The following SORBS2 variants were observed in gnomAD, a reference collection of about 807,000 sequenced individuals.
SORBS2 encodes sorbin and SH3 domain containing 2, also known as sorbin and SH3 domain-containing protein 2.
Under a neutral mutation model 97.7 loss-of-function variants are expected in SORBS2, and 46 were observed. The observed-to-expected ratio is 0.47, with a 90% CI of 0.37 to 0.60. The LOEUF is 0.60. Ranked by LOEUF, SORBS2 falls within the 20% of genes least tolerant of loss-of-function variation. SORBS2 has a pLI of 0.00. For synonymous variants in SORBS2, 476 were observed against 473.4 expected, an observed-to-expected ratio of 1.01 and a Z score of -0.07; for missense variants, 1,316 against 1,282.3, an observed-to-expected ratio of 1.03 and a Z score of -0.40.
intron 7 of SORBS2, 101 bp downstream of exon 19, chr4:185,622,813 G>T: frequency 8.2e-7 from 1 of 1,214,784 alleles, no homozygotes; most frequent in Non-Finnish European, 1.1e-6. Context: ...GACGCCAAAT[G>T]GTCTCCCAGC....
At chr4:185,628,436 G>A (rs1383286152) in intron 5 of SORBS2, among the ~76,000 whole-genome samples, 1 of 152,032 alleles carries the variant, frequency 6.6e-6, no homozygotes, top group East Asian at 1.9e-4. Flanking sequence ...TGTTATATTG[G>A]AATTCCAACA....
At chr4:185,807,686 T>C (rs2099162740) in intron 1 of SORBS2, among the ~76,000 whole-genome samples, 1 of 152,264 alleles carries the variant, frequency 6.6e-6, no homozygotes, top group Non-Finnish European at 1.5e-5. Context: ...TGTTTCCTTT[T>C]AACTGCATGT....
At position 185,607,926 on chromosome 4, in the gene SORBS2, C is replaced by T. The variant is rs897800333; in HGVS notation, c.2796+3854G>A. On this transcript the variant is annotated intron_variant, in intron 12 of 14. Coordinates refer to ENST00000418609, the Ensembl canonical transcript of SORBS2. This position sits in a 1 kb window ranked among gnomAD's most constrained non-coding sequence, Gnocchi z 5.2. Reference sequence around the variant, plus strand: ...CAGGCTGGTCTTGAACTCCTGACCTCGTGACCCACCCACCTCAGCCTCCCA... The same window carrying T: ...CAGGCTGGTCTTGAACTCCTGACCTTGTGACCCACCCACCTCAGCCTCCCA... Among the ~76,000 whole-genome samples, 1 of 152,054 alleles carries T rather than the reference C, an allele frequency of 6.6e-6. No individual in the cohort carries two copies. The highest frequency in any genetic ancestry group is 1.5e-5 in the Non-Finnish European group (1 of 68,010).
At chr4:185,675,563 A>G (rs960443667) in intron 4 of SORBS2, 4 of 152,144 alleles carry the variant, frequency 2.6e-5, no homozygotes, top group African/African-American at 9.7e-5. Context: ...CAGCTGCATG[A>G]CCCTGGGGGA....
At chr4:185,619,734 G>A (rs961747105) in intron 8 of SORBS2, among the ~76,000 whole-genome samples, 8 of 152,214 alleles carry the variant, frequency 5.3e-5, no homozygotes, top group Non-Finnish European at 7.3e-5. Flanking sequence ...AGAAATTGTA[G>A]AGGAAACCTA....
At chr4:185,927,476 C>T (rs1435152637) in intron 1 of SORBS2, among the ~76,000 whole-genome samples, 4 of 150,908 alleles carry the variant, frequency 2.7e-5, no homozygotes, top group Admixed American at 6.6e-5. Flanking sequence ...TGATATTCCA[C>T]TCCCCGTGTC....
intron 14 of SORBS2, chr4:185,587,917 G>C: frequency 2.1e-6 from 1 of 481,236 alleles, no homozygotes; most frequent in Non-Finnish European, 3.7e-6. Flanking sequence ...CTGCCATCGC[G>C]GCAGGCTAAA....
intron 2 of SORBS2, chr4:185,773,457 T>C (rs1185984262): frequency 6.6e-6 from 1 of 152,246 alleles, no homozygotes; most frequent in African/African-American, 2.4e-5. Context: ...TTCTGGAGAT[T>C]CGATTGCATC....
intron 4 of SORBS2, among the ~76,000 whole-genome samples, chr4:185,641,760 T>TAAAA (rs772924602): frequency 1.4e-5 from 2 of 142,382 alleles, no homozygotes. Flanking sequence ...TTCTTTTCAT[T>TAAAA]AAAAAAAAAA....
At chr4:185,912,534 G>A (rs933713074) in intron 1 of SORBS2, among the ~76,000 whole-genome samples, 5 of 134,212 alleles carry the variant, frequency 3.7e-5, no homozygotes, top group East Asian at 2.2e-4. Context: ...GCAGTGAGCC[G>A]AGATCATGCC....
chr4:185,787,466 G>C (rs545073692), intron 1 of SORBS2, among the ~76,000 whole-genome samples: 57 of 152,248 alleles, frequency 3.7e-4, no homozygotes, highest in African/African-American at 1.3e-3. Context: ...ACTGTTATAC[G>C]ACCCGAGGGG....
intron 4 of SORBS2, chr4:185,666,145 T>C (rs1472355298): frequency 7.8e-7 from 1 of 1,289,848 alleles, no homozygotes; most frequent in Non-Finnish European, 1.0e-6. Context: ...TGGTGTGGTT[T>C]GTCTGTGTGT....
chr4:185,707,486 T>A (rs890316072), intron 2 of SORBS2, among the ~76,000 whole-genome samples: 2 of 150,858 alleles, frequency 1.3e-5, no homozygotes, highest in African/African-American at 4.9e-5. Flanking sequence ...CTATAATTAC[T>A]CTAAGACAAA....
chr4:185,586,573 T>A (rs567161037), exon 15 of SORBS2: 29 of 152,762 alleles, frequency 1.9e-4, no homozygotes, highest in African/African-American at 6.3e-4. Context: ...TCTATTTCTA[T>A]AAAATAATGT....
At chr4:185,622,958 G>C (rs781232761) in exon 7 of SORBS2, 1 of 1,613,672 alleles carries the variant, frequency 6.2e-7, no homozygotes, top group Admixed American at 1.7e-5. Flanking sequence ...GCTGCTGTTG[G>C]CTGTGTCCAC....
intron 2 of SORBS2, among the ~76,000 whole-genome samples, chr4:185,763,177 A>C (rs1292589597): frequency 6.7e-6 from 1 of 149,732 alleles, no homozygotes; most frequent in Non-Finnish European, 1.5e-5. Context: ...TGACAGAGAG[A>C]GACTCTCTCA....
chr4:185,638,063 G>A lies in SORBS2; in HGVS notation c.397-7465C>T. ...TACTCCTAGTTTTCTTATATTAATA[G>A]TCTAGCCTCACTTACCGGGCGTCCA... is the stretch of plus-strand genomic sequence containing the variant. On this transcript the variant is annotated intron_variant, in intron 4 of 14. Transcript: ENST00000418609. 3 of 1,455,086 alleles carry A rather than the reference G, an allele frequency of 2.1e-6. No individual in the cohort carries two copies. The highest frequency in any genetic ancestry group is 1.9e-6 in the Non-Finnish European group (2 of 1,035,286). The allele number at this position is 1,455,086 out of a possible 1,614,324, so 90.1% of individuals were successfully genotyped here.
chr4:185,858,840 A>T (rs2099222134), intron 1 of SORBS2, among the ~76,000 whole-genome samples: 1 of 152,216 alleles, frequency 6.6e-6, no homozygotes, highest in Non-Finnish European at 1.5e-5. Context: ...CCTTGTGACA[A>T]CTTCATTTAT....
intron 1 of SORBS2, among the ~76,000 whole-genome samples, chr4:185,885,564 A>G (rs1187188524): frequency 5.9e-5 from 9 of 152,212 alleles, no homozygotes; most frequent in Admixed American, 5.9e-4. Context: ...TTTCTTTCTC[A>G]TGATCTCCTT....
Sources: gnomAD v4.1 joint callset for allele counts (sites outside exome capture counted in the v4.1 genomes callset) on GRCh38, gnomAD v4.1.1 for gene constraint, Gnocchi (gnomAD v3.1) non-coding constraint, MANE v1.5 for transcripts, NCBI Gene and HGNC (gene_info 2026-07-23, HGNC 2026-07-21) for gene names.